FAM149A: variants seen among roughly 807,000 people sequenced by gnomAD.
FAM149A encodes the protein family with sequence similarity 149 member A.
Under a neutral mutation model 78.2 loss-of-function variants are expected in FAM149A, and 71 were observed. That is an observed-to-expected ratio of 0.91 (90% CI 0.75 to 1.11). The LOEUF is 1.11. Ranked by LOEUF, FAM149A falls within the 50% of genes least tolerant of loss-of-function variation. The pLI is 0.00. For missense variants in FAM149A, 1,036 were observed against 971.0 expected, an observed-to-expected ratio of 1.07 and a Z score of -0.89; for synonymous variants, 446 against 410.5, an observed-to-expected ratio of 1.09 and a Z score of -1.04.
intron 6 of FAM149A, 95 bp from the exon 7 acceptor site, chr4:186,155,905 T>C: frequency 8.3e-6 from 7 of 844,880 alleles, no homozygotes; most frequent in Non-Finnish European, 1.2e-5. Flanking sequence ...TTTATTAATA[T>C]ATGTATACAT....
intron 1 of FAM149A, among the ~76,000 whole-genome samples, chr4:186,128,197 C>G (rs2099319214): frequency 6.6e-6 from 1 of 151,966 alleles, no homozygotes. Flanking sequence ...CCATGTTAGC[C>G]AGGCTGGTCT....
chr4:186,124,386 A>G (rs1249439065), intron 1 of FAM149A: 9 of 280,496 alleles, frequency 3.2e-5, no homozygotes, highest in Admixed American at 6.5e-5. Context: ...TACATTAGGT[A>G]TATCTCCTAA....
chr4:186,171,832 C>A (rs995256172), intron 13 of FAM149A, 82 bp from the exon 14 acceptor site: 2 of 989,796 alleles, frequency 2.0e-6, no homozygotes, highest in Non-Finnish European at 2.9e-6. Flanking sequence ...AAAGTATTTG[C>A]ATGGAGTGTA....
chr4:186,116,854 C>A, intron 1 of FAM149A: 2 of 719,710 alleles, frequency 2.8e-6, no homozygotes, highest in Non-Finnish European at 3.4e-6. Context: ...GCCCTTGTGC[C>A]AAGCTCATAA....
At chr4:186,148,404 A>G (rs1161477283) in intron 1 of FAM149A, among the ~76,000 whole-genome samples, 1 of 152,234 alleles carries the variant, frequency 6.6e-6, no homozygotes, top group Non-Finnish European at 1.5e-5. Flanking sequence ...ATCTTATGTT[A>G]ATATATGTTT....
intron 1 of FAM149A, among the ~76,000 whole-genome samples, chr4:186,126,508 C>G (rs1447424646): frequency 6.6e-6 from 1 of 152,142 alleles, no homozygotes; most frequent in Non-Finnish European, 1.5e-5. Context: ...CCAAATAGAA[C>G]AAAAAGGCAG....
chr4:186,163,026 A>G, intron 9 of FAM149A, 78 bp downstream of exon 9: 1 of 839,574 alleles, frequency 1.2e-6, no homozygotes, highest in South Asian at 1.5e-5. Flanking sequence ...ACTGCAGGGG[A>G]CATGAGATCA....
intron 8 of FAM149A, among the ~76,000 whole-genome samples, chr4:186,159,329 C>T (rs564450543): frequency 1.3e-5 from 2 of 152,034 alleles, no homozygotes; most frequent in Non-Finnish European, 2.9e-5. Context: ...GGGGATTGGT[C>T]TTTTACATTG....
chr4:186,127,405 G>A (rs1056850845), intron 1 of FAM149A: 1 of 985,306 alleles, frequency 1.0e-6, no homozygotes, highest in African/African-American at 1.7e-5. Flanking sequence ...TTTGACAAAA[G>A]GCTTTGTGAT....
intron 4 of FAM149A, among the ~76,000 whole-genome samples, 159 bp downstream of exon 4, chr4:186,152,204 G>A (rs1010485108): frequency 2.6e-5 from 4 of 152,152 alleles, no homozygotes; most frequent in Non-Finnish European, 5.9e-5. Flanking sequence ...TTCCTCTTAC[G>A]GCGTCTGAGG....
Position 186,174,490 on chromosome 4 carries a change from A to G in FAM149A, c.*2503A>G, listed in dbSNP as rs1735664920. Among the ~76,000 whole-genome samples, 1 of 112,026 alleles carries G rather than the reference A, an allele frequency of 8.9e-6. No individual in the cohort carries two copies. Among genetic ancestry groups the G allele is most frequent in the Admixed American group, 8.8e-5 (1 of 11,406 alleles). 73.5% of individuals were successfully genotyped at this position (112,026 alleles called of 152,430 possible). On this transcript the variant is annotated 3_prime_UTR_variant, in exon 14 of 14. Transcript: ENST00000389354. Reference sequence around the variant, plus strand: ...GTCTAAACTAACATTAAGGTAGGGTATCCAAGATAAAATGTTTTTTCTTTG... The same window carrying G: ...GTCTAAACTAACATTAAGGTAGGGTGTCCAAGATAAAATGTTTTTTCTTTG...
intron 1 of FAM149A, chr4:186,116,348 C>T (rs1490687016): frequency 1.2e-5 from 5 of 424,234 alleles, no homozygotes; most frequent in Non-Finnish European, 1.6e-5. Context: ...AGAAATCACC[C>T]GTCTTCTGTG....
At position 186,157,827 on chromosome 4, in the gene FAM149A, A is replaced by T. The variant is rs1018730195; in HGVS notation, c.1575+108A>T. 6 of 1,559,590 alleles carry T rather than the reference A, an allele frequency of 3.8e-6. No homozygotes were observed. In the Middle Eastern group the frequency reaches 5.2e-4, roughly 135 times the overall value. Reference sequence around the variant, plus strand: ...ACTGAGATATTTGGGGCTGCTTTCCACGCTGCCCGCAGAGGGGTCCATGCA... The same window carrying T: ...ACTGAGATATTTGGGGCTGCTTTCCTCGCTGCCCGCAGAGGGGTCCATGCA... On this transcript the variant is annotated intron_variant, in intron 8 of 13. Transcript: ENST00000389354.
intron 8 of FAM149A, chr4:186,158,155 G>C (rs1343257497): frequency 7.8e-7 from 1 of 1,285,178 alleles, no homozygotes. Context: ...GGCAGGCTGT[G>C]CTGAAGCTCA....
At chr4:186,131,834 A>G (rs572450943) in intron 1 of FAM149A, 1 of 945,882 alleles carries the variant, frequency 1.1e-6, no homozygotes, top group South Asian at 4.9e-5. Context: ...ACCAAAAAGT[A>G]AAAGTTACAC....
chr4:186,160,407 A>AC (rs563676324), intron 8 of FAM149A, among the ~76,000 whole-genome samples: 10 of 139,030 alleles, frequency 7.2e-5, no homozygotes, highest in Non-Finnish European at 1.2e-4. Flanking sequence ...CACTGCACAC[A>AC]CCCCCCACAT....
chr4:186,164,093 C>T lies in FAM149A; in HGVS notation c.1889+460C>T, dbSNP rs1206667165. 6.6e-6 allele frequency among the ~76,000 whole-genome samples: 1 copy of T among 152,218 alleles called. No individual in the cohort carries two copies. Among genetic ancestry groups the T allele is most frequent in the Non-Finnish European group, 1.5e-5 (1 of 68,030 alleles). ...AAGCTGTTGATTGCAGGATTCACAT[C>T]CCGTCATGGCCTCGTTAGAAAGGTG... On this transcript the variant is annotated intron_variant, in intron 10 of 13. Coordinates refer to ENST00000389354, the MANE Select transcript of FAM149A (RefSeq NM_001367768.3). The surrounding 1 kb of genome is among the most constrained non-coding windows in gnomAD (Gnocchi z 4.0).
chr4:186,150,950 G>C (rs915412963), intron 3 of FAM149A: 5 of 753,830 alleles, frequency 6.6e-6, no homozygotes, highest in Non-Finnish European at 8.1e-6. Flanking sequence ...TCGAACTCCT[G>C]ACGTTGTGAT....
intron 7 of FAM149A, among the ~76,000 whole-genome samples, 198 bp from the exon 8 acceptor site, chr4:186,157,367 T>C (rs1258357751): frequency 6.6e-6 from 1 of 152,232 alleles, no homozygotes; most frequent in East Asian, 1.9e-4. Context: ...TGTGATCTGC[T>C]TCTCCAAGCC....
Sources: gnomAD v4.1 joint callset for allele counts (sites outside exome capture counted in the v4.1 genomes callset) on GRCh38, gnomAD v4.1.1 for gene constraint, Gnocchi (gnomAD v3.1) non-coding constraint, MANE v1.5 for transcripts, NCBI Gene and HGNC (gene_info 2026-07-23, HGNC 2026-07-21) for gene names.